ACBD6: variants seen among roughly 807,000 people sequenced by gnomAD.
ACBD6 encodes acyl-CoA-binding domain-containing protein 6.
Under a neutral mutation model 37.2 loss-of-function variants are expected in ACBD6, and 28 were observed. The observed-to-expected ratio is 0.75, with a 90% CI of 0.56 to 1.03. ACBD6 has a LOEUF of 1.03. Ranked by LOEUF, ACBD6 falls within the 50% of genes least tolerant of loss-of-function variation. The pLI is 0.00. For synonymous variants in ACBD6, 113 were observed against 126.8 expected (o/e 0.89, Z 0.73); for missense variants, 340 against 337.4 (o/e 1.01, Z -0.06).
chr1:180,457,599 G>T (rs369338074), intron 3 of ACBD6, among the ~76,000 whole-genome samples: 8 of 152,042 alleles, frequency 5.3e-5, no homozygotes. Context: ...CAATCAAAGG[G>T]CAGAGAAAAA....
At chr1:180,391,919 C>G (rs371514962) in intron 6 of ACBD6, among the ~76,000 whole-genome samples, 222 of 152,068 alleles carry the variant, frequency 1.5e-3, no homozygotes, top group African/African-American at 5.1e-3. Context: ...AAATGTCCAT[C>G]AACAGAACAG....
intron 3 of ACBD6, among the ~76,000 whole-genome samples, chr1:180,467,439 C>T (rs1464435841): frequency 1.6e-5 from 2 of 123,654 alleles, no homozygotes; most frequent in Admixed American, 8.7e-5. Context: ...TAGTTAGACT[C>T]CATCTCTGCA....
Position 180,430,238 on chromosome 1 carries a change from C to CTTCT in ACBD6, c.405_408dup (p.Ala137ArgfsTer12). The CTTCT allele has an allele frequency of 6.2e-7, 1 of 1,613,274 alleles. No individual in the cohort carries two copies. Among genetic ancestry groups the CTTCT allele is most frequent in the South Asian group, 1.1e-5 (1 of 91,072 alleles). On this transcript the variant is annotated frameshift_variant, in exon 4 of 8. Coordinates refer to ENST00000367595, the MANE Select transcript of ACBD6 (RefSeq NM_032360.4). LOFTEE classifies it high-confidence loss of function. ...ACTGGCCCACCAAAACCTGTATTTG[C>CTTCT]TTCTTTTCCTTTCTTCTCTGGTATC... is the stretch of plus-strand genomic sequence containing the variant.
chr1:180,492,910 G>C (rs1185702649), intron 2 of ACBD6, among the ~76,000 whole-genome samples: 2 of 151,992 alleles, frequency 1.3e-5, no homozygotes, highest in South Asian at 4.1e-4. Flanking sequence ...ACTGATCCTG[G>C]GGACTTAGTC....
intron 4 of ACBD6, among the ~76,000 whole-genome samples, chr1:180,425,766 C>T (rs1410886339): frequency 6.6e-6 from 1 of 152,010 alleles, no homozygotes; most frequent in East Asian, 1.9e-4. Flanking sequence ...GCTTTTTCTC[C>T]AATCATATCT....
At chr1:180,356,125 G>A (rs974786015) in intron 6 of ACBD6, among the ~76,000 whole-genome samples, 6 of 151,320 alleles carry the variant, frequency 4.0e-5, no homozygotes, top group African/African-American at 1.5e-4. Context: ...CATGTGCCTC[G>A]GCCTCCCAAA....
At chr1:180,401,037 T>C (rs1027658534) in intron 5 of ACBD6, among the ~76,000 whole-genome samples, 1 of 152,218 alleles carries the variant, frequency 6.6e-6, no homozygotes, top group Non-Finnish European at 1.5e-5. Context: ...TTTATTTTTA[T>C]TGCTACCAAA....
chr1:180,298,217 T>A (rs147220996), intron 7 of ACBD6, among the ~76,000 whole-genome samples: 400 of 152,370 alleles, frequency 2.6e-3, no homozygotes, highest in African/African-American at 9.4e-3. Context: ...TTATCCTGCA[T>A]AGAACTAGCT....
intron 9 of ACBD6, chr1:180,275,567 A>G (rs1558228520): frequency 6.6e-6 from 1 of 152,290 alleles, no homozygotes; most frequent in East Asian, 1.9e-4. Flanking sequence ...GTCTGTTTTG[A>G]AGGAGTTGGT....
At chr1:180,453,585 T>C (rs1357159388) in intron 3 of ACBD6, among the ~76,000 whole-genome samples, 3 of 152,078 alleles carry the variant, frequency 2.0e-5, no homozygotes, top group Admixed American at 6.6e-5. Context: ...GGTATTCAAA[T>C]AGGAAGAGAG....
intron 5 of ACBD6, among the ~76,000 whole-genome samples, chr1:180,398,065 A>T (rs576175304): frequency 1.3e-5 from 2 of 149,638 alleles, no homozygotes; most frequent in Admixed American, 6.6e-5. Context: ...AAACTACAAC[A>T]ACAACAACAA....
At chr1:180,484,794 G>A (rs1027154985) in intron 3 of ACBD6, among the ~76,000 whole-genome samples, 1 of 152,000 alleles carries the variant, frequency 6.6e-6, no homozygotes, top group African/African-American at 2.4e-5. Flanking sequence ...GGCTGGGCGC[G>A]GTGGCTCACA....
intron 3 of ACBD6, among the ~76,000 whole-genome samples, chr1:180,484,964 A>C (rs1651202625): frequency 6.6e-6 from 1 of 151,202 alleles, no homozygotes; most frequent in Admixed American, 6.6e-5. Flanking sequence ...CCAGCTACTC[A>C]GGAGGCTGAG....
At chr1:180,421,410 T>C (rs1366119883) in intron 4 of ACBD6, among the ~76,000 whole-genome samples, 1 of 152,210 alleles carries the variant, frequency 6.6e-6, no homozygotes, top group Non-Finnish European at 1.5e-5. Context: ...TTGATGGGTG[T>C]TTAGGTTGAT....
chr1:180,442,312 A>G (rs1035029267), intron 3 of ACBD6, among the ~76,000 whole-genome samples: 4 of 151,462 alleles, frequency 2.6e-5, no homozygotes, highest in Non-Finnish European at 4.4e-5. Flanking sequence ...TGCCCTCTCC[A>G]TCCACAGATA....
intron 7 of ACBD6, among the ~76,000 whole-genome samples, chr1:180,301,432 A>G (rs1424547297): frequency 6.6e-6 from 1 of 152,178 alleles, no homozygotes; most frequent in African/African-American, 2.4e-5. Flanking sequence ...TCTTAACAAT[A>G]AGCCATAGAA....
At chr1:180,400,838 T>C (rs1466631882) in intron 5 of ACBD6, among the ~76,000 whole-genome samples, 2 of 152,162 alleles carry the variant, frequency 1.3e-5, no homozygotes, top group African/African-American at 4.8e-5. Context: ...CCACTACAAT[T>C]ATTAAACTAT....
intron 3 of ACBD6, among the ~76,000 whole-genome samples, chr1:180,456,326 A>G (rs575515265): frequency 2.0e-5 from 3 of 152,152 alleles, no homozygotes; most frequent in East Asian, 1.9e-4. Flanking sequence ...TTCTAACTCT[A>G]TATCAAGGAA....
intron 3 of ACBD6, among the ~76,000 whole-genome samples, chr1:180,490,051 C>T (rs1353915417): frequency 6.6e-6 from 1 of 152,152 alleles, no homozygotes; most frequent in Non-Finnish European, 1.5e-5. Flanking sequence ...AATTTATAAA[C>T]TAAAATGCCT....
Sources: gnomAD v4.1 joint callset for allele counts (sites outside exome capture counted in the v4.1 genomes callset) on GRCh38, gnomAD v4.1.1 for gene constraint, MANE v1.5 for transcripts, NCBI Gene and HGNC (gene_info 2026-07-23, HGNC 2026-07-21) for gene names.